PRUNE1: variants seen among roughly 807,000 people sequenced by gnomAD.
The protein encoded by PRUNE1 is prune exopolyphosphatase 1, also known as exopolyphosphatase PRUNE1.
A neutral mutation model predicts 42.5 loss-of-function variants in PRUNE1; 25 were observed. The ratio of observed to expected loss-of-function variants is 0.59; its 90% CI spans 0.43 to 0.82. PRUNE1 has a LOEUF of 0.82. PRUNE1 is among the 40% of genes least tolerant of loss of function. The probability of loss-of-function intolerance (pLI) is 0.00; values close to 1 mark genes in which losing one functional copy is unlikely to be tolerated. For synonymous variants in PRUNE1, 203 were observed against 217.1 expected (o/e 0.93, Z 0.57); for missense variants, 443 against 539.3 (o/e 0.82, Z 1.77).
chr1:151,033,447 G>A (rs1376407557), intron 7 of PRUNE1, among the ~76,000 whole-genome samples: 3 of 143,568 alleles, frequency 2.1e-5, no homozygotes, highest in Non-Finnish European at 4.5e-5. Context: ...CTGGAGTGCA[G>A]TGGCGCGATC....
At chr1:151,013,054 C>T (rs1376293697) in intron 1 of PRUNE1, among the ~76,000 whole-genome samples, 2 of 152,162 alleles carry the variant, frequency 1.3e-5, no homozygotes, top group Non-Finnish European at 2.9e-5. Context: ...TGAGCCACCG[C>T]GCTCGGCCTA....
chr1:151,027,715 G>A (rs1481306794), intron 6 of PRUNE1, among the ~76,000 whole-genome samples: 5 of 151,180 alleles, frequency 3.3e-5, no homozygotes, highest in Non-Finnish European at 7.4e-5. Flanking sequence ...TCGAGTAGCT[G>A]GGTCCACAGG....
At position 151,034,435 on chromosome 1, in the gene PRUNE1, C is replaced by T; in HGVS notation, c.*201C>T. ...TTCCACCTTTTCCCCCTAATCTCTACCAATCAGACACATTTTATTATTTAA... is the reference window on the plus strand; with the variant it reads ...TTCCACCTTTTCCCCCTAATCTCTATCAATCAGACACATTTTATTATTTAA... On this transcript the variant is annotated 3_prime_UTR_variant, in exon 8 of 8. Transcript: ENST00000271620. 1 of 576,838 alleles carries T rather than the reference C, an allele frequency of 1.7e-6. No homozygotes were observed. The highest frequency in any genetic ancestry group is 3.0e-6 in the Non-Finnish European group (1 of 328,312). The allele number at this position is 576,838 out of a possible 1,614,324, so 35.7% of individuals were successfully genotyped here. A position where few individuals can be genotyped will look rare whatever the true frequency, so the allele number is the denominator to read the frequency against.
At position 151,024,679 on chromosome 1, in the gene PRUNE1, G is replaced by A. The variant is rs56805474; in HGVS notation, c.404G>A (p.Cys135Tyr). Residue 135 changes from cysteine (C) to tyrosine (Y), a missense_variant, in exon 4 of 8, where the codon TGC becomes TAC. Cys to Tyr is a radical substitution (Grantham distance 194). Coordinates refer to ENST00000271620, the MANE Select transcript of PRUNE1 (RefSeq NM_021222.3). ...LDHRPIEPKH[C>Y]PPCHVSVELV... ...CATCGACCCATCGAGCCGAAACACT[G>A]CCCTCCCTGCCATGTTTCAGTTGAG... 5.0e-3 allele frequency: 8,110 copies of A among 1,613,922 alleles called. 310 individuals carry two copies. The African/African-American group carries it at 0.095, about 19-fold the overall frequency.
intron 6 of PRUNE1, among the ~76,000 whole-genome samples, chr1:151,027,778 G>GCGCGCA (rs1375031372): frequency 2.0e-5 from 3 of 149,080 alleles, no homozygotes; most frequent in African/African-American, 7.5e-5. Flanking sequence ...GTGTGTGTGT[G>GCGCGCA]TGTGCGCGCG....
chr1:151,029,035 CTT>C, intron 7 of PRUNE1, 91 bp downstream of exon 7: 1 of 1,295,522 alleles, frequency 7.7e-7, no homozygotes, highest in African/African-American at 1.5e-5. Flanking sequence ...AAGGACCTCT[CTT>C]AGGTTCTTAT....
intron 6 of PRUNE1, 55 bp from the exon 7 acceptor site, chr1:151,028,730 GT>G (rs1675040329): frequency 1.3e-6 from 2 of 1,576,180 alleles, no homozygotes; most frequent in African/African-American, 1.4e-5. Flanking sequence ...GCCCAAGGAT[GT>G]TTTATTGATG....
In PRUNE1 at chr1:151,008,459, G is replaced by T; in HGVS notation, c.-174G>T. ...GCCGGACTCCGGAGCGCCCGCTTAC[G>T]CAGTTCCTCCCGGGGTCGGAGGCCG... On this transcript the variant is annotated 5_prime_UTR_variant, in exon 1 of 8. Transcript: ENST00000271620. 9.2e-7 allele frequency: 1 copy of T among 1,091,210 alleles called. No individual in the cohort carries two copies. Among genetic ancestry groups the T allele is most frequent in the Non-Finnish European group, 1.3e-6 (1 of 744,634 alleles). The allele number at this position is 1,091,210 out of a possible 1,614,324, so 67.6% of individuals were successfully genotyped here.
At chr1:151,023,388 GACCCACAT>G (rs1674598438) in intron 3 of PRUNE1, among the ~76,000 whole-genome samples, 1 of 152,136 alleles carries the variant, frequency 6.6e-6, no homozygotes, top group African/African-American at 2.4e-5. Flanking sequence ...AGGACCTGGT[GACCCACAT>G]GGAATCTAAG....
intron 3 of PRUNE1, among the ~76,000 whole-genome samples, chr1:151,020,599 CA>C (rs1674356174): frequency 6.6e-6 from 1 of 151,896 alleles, no homozygotes; most frequent in African/African-American, 2.4e-5. Context: ...CCCATCTCTA[CA>C]AAAAAATTTA....
At chr1:151,009,002 G>A in intron 1 of PRUNE1, 1 of 511,560 alleles carries the variant, frequency 2.0e-6, no homozygotes, top group East Asian at 4.9e-5. Flanking sequence ...AACCAGGACT[G>A]TGCCGCCGCC....
chr1:151,025,699 G>T, intron 5 of PRUNE1, 26 bp downstream of exon 5: 1 of 1,592,926 alleles, frequency 6.3e-7, no homozygotes, highest in Middle Eastern at 1.7e-4. Context: ...TGACTTTTCT[G>T]CCTCCCAGAT....
intron 1 of PRUNE1, among the ~76,000 whole-genome samples, chr1:151,017,093 A>C (rs1419249757): frequency 1.0e-5 from 1 of 96,546 alleles, no homozygotes; most frequent in African/African-American, 3.3e-5. Context: ...ACTCCATCTC[A>C]AAAAAAAAAA....
At chr1:151,012,490 A>G (rs1378801437) in intron 1 of PRUNE1, among the ~76,000 whole-genome samples, 1 of 152,208 alleles carries the variant, frequency 6.6e-6, no homozygotes. Context: ...TCAGGGATAC[A>G]TGACCATGAA....
chr1:151,019,744 T>C (rs980718932), intron 3 of PRUNE1, among the ~76,000 whole-genome samples: 2 of 151,972 alleles, frequency 1.3e-5, no homozygotes, highest in African/African-American at 4.8e-5. Flanking sequence ...TCATGCTATC[T>C]TCCTGCCTCT....
intron 6 of PRUNE1, among the ~76,000 whole-genome samples, chr1:151,027,781 T>TGTGTGTGTGTGTGCGC (rs764369341): frequency 7.0e-6 from 1 of 142,528 alleles, no homozygotes; most frequent in African/African-American, 2.7e-5. Context: ...TGTGTGTGTG[T>TGTGTGTGTGTGTGCGC]GCGCGCGCGT....
At chr1:151,023,368 T>C (rs1257317856) in intron 3 of PRUNE1, among the ~76,000 whole-genome samples, 1 of 152,122 alleles carries the variant, frequency 6.6e-6, no homozygotes, top group African/African-American at 2.4e-5. Context: ...GGAATTAAGA[T>C]AGAATTCACA....
At chr1:151,028,727 G>C in intron 6 of PRUNE1, 59 bp from the exon 7 acceptor site, 6 of 1,567,774 alleles carry the variant, frequency 3.8e-6, no homozygotes, top group Admixed American at 3.5e-5. Flanking sequence ...CCGGCCCAAG[G>C]ATGTTTTATT....
Position 151,034,312 on chromosome 1 carries a change from A to G in PRUNE1, c.*78A>G. On this transcript the variant is annotated 3_prime_UTR_variant, in exon 8 of 8. Coordinates refer to ENST00000271620, the MANE Select transcript of PRUNE1 (RefSeq NM_021222.3). ...CATGTTTTGAGATGTTTGGAGATTC[A>G]GCAATTCTGTCTTCATTGCTCCAGG... 7.0e-7 allele frequency: 1 copy of G among 1,432,734 alleles called. No individual in the cohort carries two copies. The highest frequency in any genetic ancestry group is 9.5e-7 in the Non-Finnish European group (1 of 1,047,138). 88.8% of individuals were successfully genotyped at this position (1,432,734 alleles called of 1,614,324 possible).
Sources: allele counts gnomAD v4.1 joint callset (sites outside exome capture counted in the v4.1 genomes callset), GRCh38; gene constraint gnomAD v4.1.1; transcripts MANE v1.5; gene names NCBI Gene and HGNC (gene_info 2026-07-23, HGNC 2026-07-21).